Variants in PDE4D observed in about 807,000 individuals in gnomAD.
The protein encoded by PDE4D is phosphodiesterase 4D.
In PDE4D, 24 loss-of-function variants were observed where a neutral mutation model predicts 87.4. The observed-to-expected ratio is 0.27, with a 90% confidence interval of 0.20 to 0.39. The LOEUF (loss-of-function observed/expected upper bound fraction) is 0.39, where lower values mean the gene tolerates loss of function less well. Among genes scored for constraint, PDE4D ranks in the 10% least tolerant of loss-of-function variants. The pLI, the probability that PDE4D is intolerant of heterozygous loss-of-function variation, is 1.00. For missense variants in PDE4D, 714 were observed against 1,041.0 expected (o/e 0.69, Z 4.32); for synonymous variants, 384 against 383.2 (o/e 1.00, Z -0.02).
At chr5:59,561,250 C>A (rs568701678) in intron 1 of PDE4D, among the ~76,000 whole-genome samples, 1 of 149,554 alleles carries the variant, frequency 6.7e-6, no homozygotes, top group Non-Finnish European at 1.5e-5. Context: ...TGCTGGCCTG[C>A]GGGGTTCTCA....
intron 1 of PDE4D, among the ~76,000 whole-genome samples, chr5:60,200,592 G>T (rs1305848986): frequency 6.6e-6 from 1 of 152,106 alleles, no homozygotes; most frequent in Non-Finnish European, 1.5e-5. Flanking sequence ...CAGTACATTT[G>T]ACTCTACTGT....
chr5:59,933,752 C>G (rs868177811), intron 3 of PDE4D, among the ~76,000 whole-genome samples: 1 of 135,012 alleles, frequency 7.4e-6, no homozygotes, highest in African/African-American at 2.9e-5. Flanking sequence ...AAAACGTTTT[C>G]TAGATAGATG....
chr5:59,292,924 C>T (rs1768326911), intron 1 of PDE4D, among the ~76,000 whole-genome samples: 1 of 152,104 alleles, frequency 6.6e-6, no homozygotes, highest in Non-Finnish European at 1.5e-5. Context: ...GCCCTATTTC[C>T]TGTAGTACCT....
intron 1 of PDE4D, among the ~76,000 whole-genome samples, chr5:59,790,785 A>G (rs1765695857): frequency 6.6e-6 from 1 of 152,222 alleles, no homozygotes; most frequent in African/African-American, 2.4e-5. Flanking sequence ...TGTGAAATTA[A>G]CATGACCCTA....
chr5:59,780,664 ACT>A (rs1491185669), intron 1 of PDE4D, among the ~76,000 whole-genome samples: 1 of 152,188 alleles, frequency 6.6e-6, no homozygotes, highest in East Asian at 1.9e-4. Flanking sequence ...AGTTTGTGTA[ACT>A]TTTTCCTTGA....
At chr5:60,120,228 C>A (rs1006172262) in intron 2 of PDE4D, among the ~76,000 whole-genome samples, 1 of 152,148 alleles carries the variant, frequency 6.6e-6, no homozygotes, top group Non-Finnish European at 1.5e-5. Context: ...GTTTTCAAGA[C>A]AAGTGAAGCA....
intron 6 of PDE4D, among the ~76,000 whole-genome samples, chr5:59,012,004 A>G (rs1045618985): frequency 3.9e-5 from 6 of 152,208 alleles, no homozygotes; most frequent in Non-Finnish European, 8.8e-5. Context: ...AATATTCAAC[A>G]TTCTTAAAGG....
At chr5:59,187,035 A>G (rs1743077823) in intron 3 of PDE4D, among the ~76,000 whole-genome samples, 3 of 152,188 alleles carry the variant, frequency 2.0e-5, no homozygotes, top group Non-Finnish European at 4.4e-5. Context: ...TCCCCTTCCT[A>G]GGCAAAATTT....
intron 2 of PDE4D, among the ~76,000 whole-genome samples, chr5:59,210,271 G>A (rs1017100086): frequency 6.6e-6 from 1 of 152,158 alleles, no homozygotes; most frequent in Non-Finnish European, 1.5e-5. Flanking sequence ...ATTCTTCCTA[G>A]TGAGACCAGG....
chr5:59,480,394 A>G (rs1223170911), intron 1 of PDE4D, among the ~76,000 whole-genome samples: 1 of 152,130 alleles, frequency 6.6e-6, no homozygotes, highest in Non-Finnish European at 1.5e-5. Context: ...TAATGTTCCC[A>G]CGTACTCTCT....
chr5:59,750,470 A>T (rs1373833784), intron 1 of PDE4D, among the ~76,000 whole-genome samples: 1 of 152,162 alleles, frequency 6.6e-6, no homozygotes, highest in African/African-American at 2.4e-5. Context: ...AATGAAATGT[A>T]CTTCTGCTGG....
intron 5 of PDE4D, among the ~76,000 whole-genome samples, chr5:59,081,290 C>T (rs766947183): frequency 1.3e-5 from 2 of 151,936 alleles, no homozygotes; most frequent in African/African-American, 2.4e-5. Context: ...AACTAGAATT[C>T]GGTTACTGCC....
intron 2 of PDE4D, among the ~76,000 whole-genome samples, chr5:60,043,711 T>A (rs1768801856): frequency 6.6e-6 from 1 of 152,146 alleles, no homozygotes; most frequent in African/African-American, 2.4e-5. Flanking sequence ...TATGCTCATT[T>A]ATTCCTTCTT....
chr5:59,413,529 T>C (rs1048402393), intron 1 of PDE4D, among the ~76,000 whole-genome samples: 1 of 147,862 alleles, frequency 6.8e-6, no homozygotes, highest in Non-Finnish European at 1.5e-5. Context: ...TTGCCTACCA[T>C]ACTATGCAGT....
intron 1 of PDE4D, among the ~76,000 whole-genome samples, chr5:59,680,807 G>T (rs987059093): frequency 1.3e-5 from 2 of 152,030 alleles, no homozygotes; most frequent in African/African-American, 2.4e-5. Context: ...TGGGAGCCAG[G>T]CTTCTCACCG....
chr5:59,714,815 A>G (rs1431050444), intron 1 of PDE4D, among the ~76,000 whole-genome samples: 2 of 152,222 alleles, frequency 1.3e-5, no homozygotes, highest in East Asian at 3.9e-4. Flanking sequence ...AGAAGCGGCA[A>G]TGCTCCTCTT....
chr5:59,012,854 T>G (rs1753115197), intron 6 of PDE4D, among the ~76,000 whole-genome samples: 1 of 152,314 alleles, frequency 6.6e-6, no homozygotes, highest in East Asian at 1.9e-4. Context: ...ACATACATTC[T>G]TCTCAGCACC....
intron 2 of PDE4D, among the ~76,000 whole-genome samples, chr5:60,109,533 A>G (rs537558560): frequency 2.0e-5 from 3 of 151,742 alleles, no homozygotes; most frequent in African/African-American, 4.8e-5. Flanking sequence ...AGGACTATAA[A>G]TCATGCTGCT....
At chr5:59,439,752 C>T (rs1183543707) in intron 1 of PDE4D, among the ~76,000 whole-genome samples, 1 of 151,948 alleles carries the variant, frequency 6.6e-6, no homozygotes, top group Non-Finnish European at 1.5e-5. Flanking sequence ...GCCATGGAGC[C>T]CTTGGGGTTG....
Sources: allele counts gnomAD v4.1 joint callset (sites outside exome capture counted in the v4.1 genomes callset), GRCh38; gene constraint gnomAD v4.1.1; transcripts MANE v1.5; gene names NCBI Gene and HGNC (gene_info 2026-07-23, HGNC 2026-07-21).